Variants in CRYBG1 observed in about 807,000 individuals in gnomAD.
CRYBG1 encodes crystallin beta-gamma domain containing 1, also known as beta/gamma crystallin domain-containing protein 1.
A neutral mutation model predicts 189.2 loss-of-function variants in CRYBG1; 139 were observed. That is an observed-to-expected ratio of 0.73 (90% CI 0.64 to 0.85). The LOEUF (loss-of-function observed/expected upper bound fraction) is 0.85, where lower values mean the gene tolerates loss of function less well. Ranked by LOEUF, CRYBG1 falls within the 40% of genes least tolerant of loss-of-function variation. The pLI, the probability that CRYBG1 is intolerant of heterozygous loss-of-function variation, is 0.00. For synonymous variants in CRYBG1, 1,023 were observed against 1,017.1 expected, an observed-to-expected ratio of 1.01 and a Z score of -0.11; for missense variants, 2,611 against 2,675.8, an observed-to-expected ratio of 0.98 and a Z score of 0.53.
At chr6:106,491,044 C>T (rs1772710755) in intron 2 of CRYBG1, among the ~76,000 whole-genome samples, 2 of 152,200 alleles carry the variant, frequency 1.3e-5, no homozygotes, top group African/African-American at 2.4e-5. Context: ...TGTTTAAAAA[C>T]AAAACTACAG....
intron 1 of CRYBG1, among the ~76,000 whole-genome samples, chr6:106,379,483 G>C (rs893106215): frequency 1.3e-5 from 2 of 151,552 alleles, no homozygotes; most frequent in Admixed American, 6.6e-5. Flanking sequence ...GGATGGTCTC[G>C]ATCTCCTGAC....
At chr6:106,552,752 C>T (rs889294783) in intron 15 of CRYBG1, among the ~76,000 whole-genome samples, 2 of 134,432 alleles carry the variant, frequency 1.5e-5, no homozygotes, top group African/African-American at 8.0e-5. Context: ...TTATAAAATG[C>T]TTATTGTATA....
chr6:106,521,378 C>T lies in CRYBG1; in HGVS notation c.4170C>T (p.Asp1390=), dbSNP rs544344817. The T allele has an allele frequency of 1.2e-6, 2 of 1,612,714 alleles. No individual in the cohort carries two copies. The highest frequency in any genetic ancestry group is 2.2e-5 in the South Asian group (2 of 90,584). ...CAAACTGTGCAAACAGTGACACCGA[C>T]TTCATGGGTCTTTTCAAATCAAGCC... ...NLPNCANSDT[D]FMGLFKSSRY... The change falls in exon 4 of 22, where the codon GAC becomes GAT. Residue 1390 remains aspartate (D), a synonymous_variant. Transcript: ENST00000633556.
At chr6:106,472,716 G>A (rs987075496) in intron 2 of CRYBG1, among the ~76,000 whole-genome samples, 1 of 148,612 alleles carries the variant, frequency 6.7e-6, no homozygotes, top group African/African-American at 2.5e-5. Context: ...CCAACAAGGC[G>A]AAACTTCATT....
In CRYBG1 at chr6:106,512,947, G is replaced by A. The variant is rs1168864078; in HGVS notation, c.1830G>A (p.Ala610=). ...GTCGAAGCAGAGAGCTGGGCAGAGC[G>A]GCCGGAGCGCCTGGAGCTTCTGACG... is the stretch of plus-strand genomic sequence containing the variant. The part of the protein sequence containing the change: ...EGGRSRELGR[A]AGAPGASDAD... The change falls in exon 3 of 22, where the codon GCG becomes GCA. Residue 610 remains alanine (A), a synonymous_variant. Coordinates refer to ENST00000633556, the MANE Select transcript of CRYBG1 (RefSeq NM_001371242.2). 6 of 1,610,682 alleles carry A rather than the reference G, an allele frequency of 3.7e-6. No homozygotes were observed. The highest frequency in any genetic ancestry group is 5.1e-6 in the Non-Finnish European group (6 of 1,179,048).
chr6:106,529,833 A>G (rs886081692), intron 7 of CRYBG1, among the ~76,000 whole-genome samples: 2 of 152,340 alleles, frequency 1.3e-5, no homozygotes, highest in African/African-American at 4.8e-5. Flanking sequence ...GTGCTTGGAT[A>G]ATTATATCAG....
rs138796125 is a variant in CRYBG1 at position 106,446,830 on chromosome 6, G to A, written c.174-4864G>A. Among the ~76,000 whole-genome samples, 752 of 152,318 alleles carry A rather than the reference G, an allele frequency of 4.9e-3. 3 individuals carry two copies. The highest frequency in any genetic ancestry group is 0.016 in the African/African-American group (684 of 41,564). ...CAATTCTGGGATTTGTCTGAGAATA[G>A]CCATGCGGCTCTTTTAACTTGGGAA... On this transcript the variant is annotated intron_variant, in intron 1 of 21. Coordinates refer to ENST00000633556, the MANE Select transcript of CRYBG1 (RefSeq NM_001371242.2).
chr6:106,449,671 A>G (rs1771739556), intron 1 of CRYBG1, among the ~76,000 whole-genome samples: 1 of 152,186 alleles, frequency 6.6e-6, no homozygotes, highest in Non-Finnish European at 1.5e-5. Context: ...GGTATTTTTC[A>G]GTTGTTACTT....
chr6:106,451,649 AT>A, intron 1 of CRYBG1, 44 bp from the exon 2 acceptor site: 2 of 1,438,470 alleles, frequency 1.4e-6, no homozygotes, highest in Non-Finnish European at 1.8e-6. Context: ...AGATTTTGGC[AT>A]TGTTCATAGT....
intron 1 of CRYBG1, among the ~76,000 whole-genome samples, chr6:106,450,036 C>T (rs1771747832): frequency 6.7e-6 from 1 of 149,462 alleles, no homozygotes; most frequent in Non-Finnish European, 1.5e-5. Context: ...ATTAGCCTGG[C>T]TAACATGGTG....
intron 1 of CRYBG1, among the ~76,000 whole-genome samples, chr6:106,394,219 C>T (rs992242217): frequency 2.6e-5 from 4 of 152,114 alleles, no homozygotes; most frequent in East Asian, 3.9e-4. Flanking sequence ...GTCTCTACAT[C>T]GTTTATCCTT....
intron 1 of CRYBG1, among the ~76,000 whole-genome samples, chr6:106,385,856 A>G (rs1234218396): frequency 1.3e-5 from 2 of 152,196 alleles, no homozygotes; most frequent in Non-Finnish European, 2.9e-5. Flanking sequence ...CTGTTCACCA[A>G]TAGTAAAGAG....
chr6:106,498,326 T>C lies in CRYBG1; in HGVS notation c.313-13104T>C, dbSNP rs185849937. 2.6e-5 allele frequency among the ~76,000 whole-genome samples: 4 copies of C among 152,300 alleles called. No homozygotes were observed. In the East Asian group the frequency reaches 7.7e-4, roughly 29 times the overall value. ...AGACATAATTCAAGAAATAGAATATTGCTGCCACCCGTTAAGTCTCCTCCT... is the reference window on the plus strand; with the variant it reads ...AGACATAATTCAAGAAATAGAATATCGCTGCCACCCGTTAAGTCTCCTCCT... On this transcript the variant is annotated intron_variant, in intron 2 of 21. Coordinates refer to ENST00000633556, the MANE Select transcript of CRYBG1 (RefSeq NM_001371242.2).
chr6:106,513,281 T>C (rs928347342), intron 3 of CRYBG1, among the ~76,000 whole-genome samples: 6 of 152,176 alleles, frequency 3.9e-5, no homozygotes, highest in Non-Finnish European at 5.9e-5. Flanking sequence ...AATGTAAAAA[T>C]AGGATATCCG....
chr6:106,498,061 A>G (rs898651356), intron 2 of CRYBG1, among the ~76,000 whole-genome samples: 1 of 150,714 alleles, frequency 6.6e-6, no homozygotes. Flanking sequence ...AGATCACACC[A>G]CTGCACTCCA....
chr6:106,568,613 T>A lies in CRYBG1; in HGVS notation c.*47T>A. 7 of 1,446,226 alleles carry A rather than the reference T, an allele frequency of 4.8e-6. No individual in the cohort carries two copies. Among genetic ancestry groups the A allele is most frequent in the Non-Finnish European group, 6.8e-6 (7 of 1,031,468 alleles). 89.6% of individuals were successfully genotyped at this position (1,446,226 alleles called of 1,614,324 possible). ...TCTGGAGGTCCTTCCAGCCACCTTA[T>A]TTCTTAAAAAGGACAATGCTGATGG... On this transcript the variant is annotated 3_prime_UTR_variant, in exon 22 of 22. Coordinates refer to ENST00000633556, the MANE Select transcript of CRYBG1 (RefSeq NM_001371242.2).
chr6:106,441,485 C>A (rs1391954712), intron 1 of CRYBG1, among the ~76,000 whole-genome samples: 1 of 152,138 alleles, frequency 6.6e-6, no homozygotes, highest in Non-Finnish European at 1.5e-5. Context: ...CTTCAGTCAG[C>A]AAAACTGTAT....
At chr6:106,429,451 C>T (rs9384612) in intron 1 of CRYBG1, among the ~76,000 whole-genome samples, 58,060 of 152,064 alleles carry the variant, frequency 0.38, 11,878 homozygotes, top group East Asian at 0.68. Context: ...ACTGGCCAAA[C>T]ACCATAGTTT....
At chr6:106,381,193 G>A (rs1226684153) in intron 1 of CRYBG1, among the ~76,000 whole-genome samples, 1 of 152,166 alleles carries the variant, frequency 6.6e-6, no homozygotes, top group Non-Finnish European at 1.5e-5. Flanking sequence ...TTTAACTAAT[G>A]ACAAAAATTC....
Sources: allele counts gnomAD v4.1 joint callset (sites outside exome capture counted in the v4.1 genomes callset), GRCh38; gene constraint gnomAD v4.1.1; transcripts MANE v1.5; gene names NCBI Gene and HGNC (gene_info 2026-07-23, HGNC 2026-07-21).